Variants in GTF2E2 observed in about 807,000 individuals in gnomAD.
GTF2E2 encodes the protein general transcription factor IIE subunit 2.
GTF2E2 carries 21 observed loss-of-function variants against 40.5 expected under a neutral mutation model. The observed-to-expected ratio is 0.52, with a 90% CI of 0.37 to 0.75. The LOEUF is 0.75. Among genes scored for constraint, GTF2E2 ranks in the 30% least tolerant of loss-of-function variants. The probability of loss-of-function intolerance (pLI) is 0.00; values close to 1 mark genes in which losing one functional copy is unlikely to be tolerated. For synonymous variants in GTF2E2, 117 were observed against 121.6 expected, an observed-to-expected ratio of 0.96 and a Z score of 0.25; for missense variants, 298 against 338.4, an observed-to-expected ratio of 0.88 and a Z score of 0.94.
intron 3 of GTF2E2, among the ~76,000 whole-genome samples, chr8:30,627,419 T>C (rs1801312101): frequency 7.7e-6 from 1 of 129,412 alleles, no homozygotes; most frequent in Non-Finnish European, 1.6e-5. Context: ...CATTAGTGAC[T>C]GGCTCACGGC....
At chr8:30,624,862 T>A (rs888407555) in intron 3 of GTF2E2, among the ~76,000 whole-genome samples, 46 of 152,160 alleles carry the variant, frequency 3.0e-4, no homozygotes, top group African/African-American at 1.1e-3. Context: ...TGATTTTGTA[T>A]CCTGAGACTT....
intron 2 of GTF2E2, among the ~76,000 whole-genome samples, chr8:30,647,125 A>C (rs1014495071): frequency 6.6e-6 from 1 of 152,162 alleles, no homozygotes; most frequent in Non-Finnish European, 1.5e-5. Context: ...GTTTGAAAAC[A>C]AATATGGAGA....
At chr8:30,648,716 C>T (rs1353159893) in intron 2 of GTF2E2, among the ~76,000 whole-genome samples, 3 of 152,232 alleles carry the variant, frequency 2.0e-5, no homozygotes, top group Non-Finnish European at 4.4e-5. Context: ...AACATTTGAG[C>T]TTCCAGCTGC....
intron 6 of GTF2E2, among the ~76,000 whole-genome samples, chr8:30,592,278 C>G (rs924429331): frequency 2.0e-5 from 3 of 152,162 alleles, no homozygotes; most frequent in African/African-American, 7.2e-5. Flanking sequence ...ACTGGGGAGG[C>G]TGAGATAGGA....
intron 2 of GTF2E2, among the ~76,000 whole-genome samples, chr8:30,651,369 T>TA (rs768700971): frequency 5.7e-4 from 87 of 151,332 alleles, no homozygotes; most frequent in Non-Finnish European, 7.5e-4. Context: ...ATCAATGTAT[T>TA]AAAAAAAACT....
intron 3 of GTF2E2, among the ~76,000 whole-genome samples, chr8:30,633,173 T>G (rs528735979): frequency 6.6e-6 from 1 of 152,316 alleles, no homozygotes; most frequent in Admixed American, 6.5e-5. Context: ...TTTTAAATTT[T>G]GATTTATATT....
chr8:30,654,352 G>A (rs1407584072), intron 1 of GTF2E2, among the ~76,000 whole-genome samples: 1 of 151,956 alleles, frequency 6.6e-6, no homozygotes, highest in African/African-American at 2.4e-5. Context: ...AATATACTGG[G>A]TTAAATAAAA....
chr8:30,632,432 T>G (rs141144028), intron 3 of GTF2E2, among the ~76,000 whole-genome samples: 24 of 152,306 alleles, frequency 1.6e-4, no homozygotes, highest in African/African-American at 5.1e-4. Context: ...GGCTAGTTGG[T>G]TTGACAATGG....
chr8:30,579,895 C>T (rs991620619), intron 7 of GTF2E2, among the ~76,000 whole-genome samples: 3 of 152,176 alleles, frequency 2.0e-5, no homozygotes, highest in Admixed American at 6.5e-5. Context: ...ACCAGGACGG[C>T]GAGGCTCACG....
At chr8:30,588,862 A>C (rs892179880) in intron 6 of GTF2E2, among the ~76,000 whole-genome samples, 4 of 152,190 alleles carry the variant, frequency 2.6e-5, no homozygotes, top group Admixed American at 6.5e-5. Context: ...ACAGTAAGAT[A>C]ATACGTTTGT....
intron 6 of GTF2E2, among the ~76,000 whole-genome samples, chr8:30,583,285 G>A (rs184539870): frequency 6.6e-6 from 1 of 152,320 alleles, no homozygotes; most frequent in East Asian, 1.9e-4. Context: ...AGTGAGCTGA[G>A]ACTGTGCCAC....
At chr8:30,594,554 T>TAAAAA (rs1191425204) in intron 6 of GTF2E2, among the ~76,000 whole-genome samples, 2 of 132,904 alleles carry the variant, frequency 1.5e-5, no homozygotes, top group Admixed American at 7.7e-5. Context: ...AATGGATCTT[T>TAAAAA]AAAAAAAAAA....
intron 5 of GTF2E2, among the ~76,000 whole-genome samples, chr8:30,611,525 A>G (rs747963395): frequency 1.3e-5 from 2 of 152,210 alleles, no homozygotes; most frequent in Non-Finnish European, 2.9e-5. Context: ...ACAAAGAAAG[A>G]CTAGAACTGA....
chr8:30,640,217 C>A (rs184723978), intron 2 of GTF2E2, among the ~76,000 whole-genome samples: 90 of 152,296 alleles, frequency 5.9e-4, no homozygotes, highest in Admixed American at 1.0e-3. Flanking sequence ...TTAGGATTAA[C>A]TGATCACATT....
At chr8:30,610,254 T>C (rs1383907448) in intron 5 of GTF2E2, among the ~76,000 whole-genome samples, 1 of 151,996 alleles carries the variant, frequency 6.6e-6, no homozygotes, top group Non-Finnish European at 1.5e-5. Flanking sequence ...GAGACCAGAC[T>C]GGCCAACATG....
intron 1 of GTF2E2, among the ~76,000 whole-genome samples, chr8:30,655,587 C>T (rs1802426016): frequency 6.6e-6 from 1 of 152,144 alleles, no homozygotes; most frequent in South Asian, 2.1e-4. Flanking sequence ...TTTCACAAGC[C>T]TTTATTAAAT....
At chr8:30,657,774 T>G (rs1802490252) in intron 1 of GTF2E2, among the ~76,000 whole-genome samples, 199 bp downstream of exon 1, 1 of 152,152 alleles carries the variant, frequency 6.6e-6, no homozygotes, top group African/African-American at 2.4e-5. Flanking sequence ...CCCAAAAGTT[T>G]GCTCAATGAA....
At chr8:30,617,941 G>T (rs1800972176) in intron 3 of GTF2E2, among the ~76,000 whole-genome samples, 1 of 152,082 alleles carries the variant, frequency 6.6e-6, no homozygotes, top group African/African-American at 2.4e-5. Context: ...ACACAAAAGT[G>T]GGTACCTCGT....
intron 2 of GTF2E2, among the ~76,000 whole-genome samples, chr8:30,639,886 C>T (rs533595419): frequency 6.6e-6 from 1 of 151,994 alleles, no homozygotes; most frequent in East Asian, 1.9e-4. Context: ...TGTCCAGGTT[C>T]AGCACAGTGG....
Sources: allele counts gnomAD v4.1 joint callset (sites outside exome capture counted in the v4.1 genomes callset), GRCh38; gene constraint gnomAD v4.1.1; transcripts MANE v1.5; gene names NCBI Gene and HGNC (gene_info 2026-07-23, HGNC 2026-07-21).